The following IL1RAPL2 variants were observed in gnomAD, a reference collection of about 807,000 sequenced individuals.
IL1RAPL2 encodes the protein X-linked interleukin-1 receptor accessory protein-like 2.
IL1RAPL2 carries 3 observed loss-of-function variants against 44.1 expected under a neutral mutation model. The observed-to-expected ratio is 0.07, with a 90% confidence interval of 0.03 to 0.18. The LOEUF is 0.18. Ranked by LOEUF, IL1RAPL2 falls within the 10% of genes least tolerant of loss-of-function variation. The probability of loss-of-function intolerance (pLI) is 1.00; values close to 1 mark genes in which losing one functional copy is unlikely to be tolerated. For synonymous variants in IL1RAPL2, 181 were observed against 178.8 expected (o/e 1.01, Z -0.10); for missense variants, 391 against 496.4 (o/e 0.79, Z 2.02).
chrX:104,793,626 T>C (rs893455021), intron 2 of IL1RAPL2, among the ~76,000 whole-genome samples: 1 of 112,013 alleles, frequency 8.9e-6, no homozygotes. Context: ...AGTTGGATGA[T>C]AGAAATTATA....
chrX:104,845,150 C>T (rs939334154), intron 2 of IL1RAPL2, among the ~76,000 whole-genome samples: 1 of 111,956 alleles, frequency 8.9e-6, no homozygotes, highest in Non-Finnish European at 1.9e-5. Context: ...GGCTGAAATC[C>T]TCTTTGAGCT....
intron 2 of IL1RAPL2, among the ~76,000 whole-genome samples, chrX:104,850,534 AT>A (rs1396712741): frequency 8.9e-6 from 1 of 111,956 alleles, no homozygotes. Context: ...TTTCATAAAC[AT>A]TTATCTAGGT....
At chrX:105,332,593 T>C (rs761994482) in intron 5 of IL1RAPL2, among the ~76,000 whole-genome samples, 214 of 111,454 alleles carry the variant, frequency 1.9e-3, no homozygotes, top group Non-Finnish European at 2.8e-3. Flanking sequence ...TGTTTGCAGA[T>C]GATATAATCT....
intron 5 of IL1RAPL2, among the ~76,000 whole-genome samples, chrX:105,315,604 T>TATATATA (rs2034833949): frequency 4.5e-5 from 1 of 21,982 alleles, no homozygotes; most frequent in Admixed American, 9.1e-4. Flanking sequence ...ATATATATGG[T>TATATATA]TTTATTAAGT....
intron 2 of IL1RAPL2, among the ~76,000 whole-genome samples, chrX:104,686,921 C>T (rs936156332): frequency 3.6e-5 from 4 of 112,326 alleles, no homozygotes; most frequent in Non-Finnish European, 7.5e-5. Context: ...ACAACTAATA[C>T]TCAATGTTTA....
At chrX:105,693,463 C>G (rs1005834927) in intron 6 of IL1RAPL2, among the ~76,000 whole-genome samples, 8 of 111,888 alleles carry the variant, frequency 7.2e-5, no homozygotes, top group African/African-American at 2.6e-4. Flanking sequence ...TGCTCCTTCT[C>G]TCACCATGTG....
intron 2 of IL1RAPL2, among the ~76,000 whole-genome samples, chrX:105,129,927 G>A (rs12009320): frequency 0.072 from 7,894 of 110,404 alleles, 297 homozygotes; most frequent in Middle Eastern, 0.17. Context: ...TCCCACCTAC[G>A]TATTCAGCTT....
intron 5 of IL1RAPL2, among the ~76,000 whole-genome samples, chrX:105,477,731 C>T (rs2036207299): frequency 9.0e-6 from 1 of 111,569 alleles, no homozygotes; most frequent in African/African-American, 3.3e-5. Flanking sequence ...TTCCCAAAAT[C>T]CTCAATTCCC....
At chrX:104,623,340 G>A (rs1386695749) in intron 1 of IL1RAPL2, among the ~76,000 whole-genome samples, 2 of 110,807 alleles carry the variant, frequency 1.8e-5, no homozygotes, top group Non-Finnish European at 3.8e-5. Context: ...TTCTGCTTCT[G>A]GAGTAGCTCC....
chrX:105,571,447 T>C (rs1315594907), intron 6 of IL1RAPL2, among the ~76,000 whole-genome samples: 3 of 111,244 alleles, frequency 2.7e-5, no homozygotes, highest in African/African-American at 9.8e-5. Flanking sequence ...TTAAACAAGA[T>C]TGAAACATAT....
intron 2 of IL1RAPL2, among the ~76,000 whole-genome samples, chrX:105,002,170 A>G (rs766506595): frequency 8.1e-5 from 9 of 111,173 alleles, no homozygotes; most frequent in Non-Finnish European, 1.1e-4. Flanking sequence ...TAAAAATAAT[A>G]GGAGATAAAG....
chrX:105,465,578 C>T (rs982119023), intron 5 of IL1RAPL2, among the ~76,000 whole-genome samples: 4 of 111,906 alleles, frequency 3.6e-5, no homozygotes, highest in Non-Finnish European at 5.6e-5. Flanking sequence ...CAAATTTCAA[C>T]TTTGTATAGA....
intron 5 of IL1RAPL2, among the ~76,000 whole-genome samples, chrX:105,457,033 T>TACACACACACACACACAC (rs58305468): frequency 1.2e-5 from 1 of 85,323 alleles, no homozygotes; most frequent in Non-Finnish European, 2.3e-5. Flanking sequence ...TCTAAAGTTA[T>TACACACACACACACACAC]ACACACACAC....
At chrX:105,224,810 A>G (rs1556186781) in intron 3 of IL1RAPL2, among the ~76,000 whole-genome samples, 1 of 111,612 alleles carries the variant, frequency 9.0e-6, no homozygotes. Context: ...AGTCAGTGAA[A>G]TTGGTTGGGG....
chrX:105,622,356 C>G (rs2037425769), intron 6 of IL1RAPL2, among the ~76,000 whole-genome samples: 1 of 109,400 alleles, frequency 9.1e-6, no homozygotes, highest in Non-Finnish European at 1.9e-5. Flanking sequence ...ACCAGTTCAG[C>G]CAAACATCAT....
At chrX:105,722,853 G>A (rs1468235246) in intron 7 of IL1RAPL2, among the ~76,000 whole-genome samples, 2 of 111,063 alleles carry the variant, frequency 1.8e-5, no homozygotes, top group Non-Finnish European at 3.8e-5. Flanking sequence ...GGCTGGGGTA[G>A]CCCTGAAAAT....
intron 5 of IL1RAPL2, among the ~76,000 whole-genome samples, chrX:105,454,411 G>T (rs1280724892): frequency 2.7e-5 from 3 of 111,364 alleles, no homozygotes; most frequent in Non-Finnish European, 3.8e-5. Flanking sequence ...GGTCCCACCT[G>T]TCATTCCACC....
At chrX:105,667,483 A>G (rs1180785091) in intron 6 of IL1RAPL2, among the ~76,000 whole-genome samples, 1 of 112,237 alleles carries the variant, frequency 8.9e-6, no homozygotes, top group Non-Finnish European at 1.9e-5. Flanking sequence ...TTTATAATCT[A>G]TGTTCTAAAC....
intron 2 of IL1RAPL2, among the ~76,000 whole-genome samples, chrX:105,119,679 T>A (rs1275794282): frequency 1.8e-5 from 2 of 111,613 alleles, no homozygotes; most frequent in African/African-American, 6.5e-5. Context: ...CAGTCAACAA[T>A]TGATTCACTC....
Sources: gnomAD v4.1 joint callset for allele counts (sites outside exome capture counted in the v4.1 genomes callset) on GRCh38, gnomAD v4.1.1 for gene constraint, MANE v1.5 for transcripts, NCBI Gene and HGNC (gene_info 2026-07-23, HGNC 2026-07-21) for gene names.